The following ACO2 variants were observed in gnomAD, a reference collection of about 807,000 sequenced individuals.
ACO2 encodes the protein aconitase 2, also known as aconitate hydratase, mitochondrial.
In ACO2, 31 loss-of-function variants were observed where a neutral mutation model predicts 84.5. The observed-to-expected ratio is 0.37, with a 90% CI of 0.28 to 0.50. The LOEUF (loss-of-function observed/expected upper bound fraction) is 0.50. Among genes scored for constraint, ACO2 ranks in the 20% least tolerant of loss-of-function variants. ACO2 has a pLI of 0.97. For synonymous variants in ACO2, 414 were observed against 412.7 expected (o/e 1.00, Z -0.04); for missense variants, 685 against 1,029.3 (o/e 0.67, Z 4.58).
At chr22:41,522,094 T>C (rs777416914) in intron 9 of ACO2, among the ~76,000 whole-genome samples, 1 of 152,200 alleles carries the variant, frequency 6.6e-6, no homozygotes, top group East Asian at 1.9e-4. Context: ...TTTGAGAGGC[T>C]GAGGCAGGAG....
At chr22:41,480,376 G>T (rs1044746128) in intron 1 of ACO2, among the ~76,000 whole-genome samples, 1 of 152,186 alleles carries the variant, frequency 6.6e-6, no homozygotes, top group African/African-American at 2.4e-5. Context: ...AGTGTGTTAG[G>T]CATTCAAATA....
intron 1 of ACO2, among the ~76,000 whole-genome samples, chr22:41,485,434 A>ATTTTTTTTTTTTTTTTTT: frequency 1.4e-5 from 1 of 69,026 alleles, no homozygotes; most frequent in Non-Finnish European, 2.8e-5. Context: ...TGCCCGGCTA[A>ATTTTTTTTTTTTTTTTTT]TTTTTTTTTT....
At chr22:41,501,869 A>G (rs1449800183) in intron 2 of ACO2, among the ~76,000 whole-genome samples, 2 of 152,158 alleles carry the variant, frequency 1.3e-5, no homozygotes, top group African/African-American at 2.4e-5. Context: ...GCACAGCATC[A>G]TCTAATTATA....
chr22:41,472,480 A>G (rs2037958343), intron 1 of ACO2, among the ~76,000 whole-genome samples: 1 of 152,162 alleles, frequency 6.6e-6, no homozygotes, highest in East Asian at 1.9e-4. Flanking sequence ...TCCCTTTGGC[A>G]TCGAGCTCAG....
At chr22:41,479,957 G>A in intron 1 of ACO2, among the ~76,000 whole-genome samples, 1 of 152,244 alleles carries the variant, frequency 6.6e-6, no homozygotes, top group Admixed American at 6.5e-5. Flanking sequence ...CTTTGACTTG[G>A]AGAGACATGG....
intron 1 of ACO2, among the ~76,000 whole-genome samples, chr22:41,497,234 A>C: frequency 6.6e-6 from 1 of 151,700 alleles, no homozygotes; most frequent in East Asian, 1.9e-4. Context: ...ATGCCCAGCT[A>C]ATTTTTGTGT....
Position 41,527,945 on chromosome 22 carries a change from G to A in ACO2, c.2131G>A (p.Asp711Asn). ...GGGCCTGCTGCCTCTGACCTTCGCT[G>A]ACCCGGCTGACTACAACAAGATTCA... Reference protein sequence around the residue: ...KQGLLPLTFADPADYNKIHPV... With the variant: ...KQGLLPLTFANPADYNKIHPV... The change falls in exon 17 of 18, where the codon GAC becomes AAC. Residue 711 changes from aspartate (D) to asparagine (N), a missense_variant. By Grantham distance (23) the Asp-to-Asn change is conservative (BLOSUM62 1). Around this residue, in one of 5 missense-constraint regions of ACO2, gnomAD observed 174 missense variants for 236.6 expected, o/e 0.74. Transcript: ENST00000216254. 6.2e-7 allele frequency: 1 copy of A among 1,614,178 alleles called. No homozygotes were observed. The highest frequency in any genetic ancestry group is 8.5e-7 in the Non-Finnish European group (1 of 1,180,028).
intron 3 of ACO2, among the ~76,000 whole-genome samples, chr22:41,509,003 G>A (rs781679817): frequency 6.6e-6 from 1 of 152,146 alleles, no homozygotes; most frequent in Non-Finnish European, 1.5e-5. Flanking sequence ...TGGCCCCCTG[G>A]TGGTATCCTG....
chr22:41,476,568 G>T (rs1318200493), intron 1 of ACO2, among the ~76,000 whole-genome samples: 2 of 151,544 alleles, frequency 1.3e-5, no homozygotes, highest in African/African-American at 4.9e-5. Context: ...AAATTAGCTG[G>T]GTGTGTGGGT....
intron 2 of ACO2, among the ~76,000 whole-genome samples, chr22:41,504,664 A>T (rs1403356205): frequency 7.3e-6 from 1 of 137,360 alleles, no homozygotes; most frequent in East Asian, 2.4e-4. Context: ...AGATGCTCAG[A>T]GTTGCCAGTT....
chr22:41,520,149 C>T (rs1293707070), intron 8 of ACO2, 22 bp from the exon 9 acceptor site: 1 of 1,600,344 alleles, frequency 6.2e-7, no homozygotes, highest in Non-Finnish European at 8.6e-7. Flanking sequence ...TCTTTCTTCT[C>T]CTTGCATGTT....
At chr22:41,470,174 C>T (rs1170295849) in intron 1 of ACO2, among the ~76,000 whole-genome samples, 1 of 152,144 alleles carries the variant, frequency 6.6e-6, no homozygotes, top group Non-Finnish European at 1.5e-5. Flanking sequence ...AGGTGTTATA[C>T]TCAGAGGTTC....
intron 9 of ACO2, among the ~76,000 whole-genome samples, chr22:41,521,952 A>G (rs1457182206): frequency 6.6e-6 from 1 of 152,146 alleles, no homozygotes; most frequent in East Asian, 1.9e-4. Flanking sequence ...TTGTATTTTT[A>G]GTAGAGATGG....
intron 2 of ACO2, among the ~76,000 whole-genome samples, chr22:41,500,856 A>G (rs1456092663): frequency 6.6e-6 from 1 of 151,896 alleles, no homozygotes; most frequent in East Asian, 1.9e-4. Flanking sequence ...GGGACGCACC[A>G]CGATGCCTGG....
chr22:41,487,911 G>C (rs1305313924), intron 1 of ACO2, among the ~76,000 whole-genome samples: 1 of 151,972 alleles, frequency 6.6e-6, no homozygotes, highest in East Asian at 1.9e-4. Flanking sequence ...TTATATTCTT[G>C]ATTCCTTCTC....
intron 1 of ACO2, among the ~76,000 whole-genome samples, chr22:41,481,064 G>A (rs530333911): frequency 3.9e-5 from 6 of 152,164 alleles, no homozygotes; most frequent in Admixed American, 6.6e-5. Context: ...CACCTGTCTC[G>A]GCTTCCTAAA....
At chr22:41,487,504 C>T (rs758223242) in intron 1 of ACO2, among the ~76,000 whole-genome samples, 11 of 152,096 alleles carry the variant, frequency 7.2e-5, no homozygotes, top group African/African-American at 1.9e-4. Context: ...ATCAGGAAGA[C>T]GTTAGTTTAA....
At chr22:41,489,071 C>T (rs1025624790) in intron 1 of ACO2, among the ~76,000 whole-genome samples, 2 of 151,966 alleles carry the variant, frequency 1.3e-5, no homozygotes, top group Non-Finnish European at 2.9e-5. Context: ...TAAGATCTTG[C>T]TCTGTGGTCC....
intron 1 of ACO2, among the ~76,000 whole-genome samples, chr22:41,483,244 G>A (rs755648091): frequency 6.6e-6 from 1 of 152,244 alleles, no homozygotes; most frequent in Non-Finnish European, 1.5e-5. Flanking sequence ...TGGGAAAACT[G>A]TGTTGGATGG....
Sources: allele counts gnomAD v4.1 joint callset (sites outside exome capture counted in the v4.1 genomes callset), GRCh38; gene constraint gnomAD v4.1.1; regional missense constraint gnomAD v4.1.1; transcripts MANE v1.5; gene names NCBI Gene and HGNC (gene_info 2026-07-23, HGNC 2026-07-21).